RAB35: variants seen among roughly 807,000 people sequenced by gnomAD.
RAB35 encodes ras-related protein Rab-35.
In RAB35, 4 loss-of-function variants were observed where a neutral mutation model predicts 28.9. The observed-to-expected ratio is 0.14, with a 90% CI of 0.07 to 0.32. The LOEUF (loss-of-function observed/expected upper bound fraction) is 0.32. Among genes scored for constraint, RAB35 ranks in the 10% least tolerant of loss-of-function variants. The pLI, the probability that RAB35 is intolerant of heterozygous loss-of-function variation, is 1.00. For missense variants in RAB35, 128 were observed against 274.0 expected (o/e 0.47, Z 3.76); for synonymous variants, 99 against 105.1 (o/e 0.94, Z 0.35).
intron 1 of RAB35, among the ~76,000 whole-genome samples, chr12:120,115,241 C>G (rs1027214438): frequency 3.3e-5 from 5 of 152,164 alleles, no homozygotes; most frequent in Non-Finnish European, 5.9e-5. Context: ...CTCCATCCAG[C>G]TTTAAAAGGG....
intron 5 of RAB35, 119 bp downstream of exon 5, chr12:120,098,692 C>T: frequency 7.1e-7 from 1 of 1,410,384 alleles, no homozygotes; most frequent in Non-Finnish European, 9.6e-7. Context: ...AGTAGGCACT[C>T]AATAAATGGC....
At position 120,103,145 on chromosome 12, in the gene RAB35, G is replaced by A. The variant is rs918764656; in HGVS notation, c.227+681C>T. Among the ~76,000 whole-genome samples the A allele has an allele frequency of 2.6e-5, 4 of 152,140 alleles. No homozygotes were observed. The highest frequency in any genetic ancestry group is 5.9e-5 in the Non-Finnish European group (4 of 68,022). On this transcript the variant is annotated intron_variant, in intron 3 of 5. Transcript: ENST00000229340. This position sits in a 1 kb window ranked among gnomAD's most constrained non-coding sequence, Gnocchi z 6.1. ...ACACACAGCCCAACAGCTCCAAATC[G>A]GCCCCTTCAGACCCTGCTCTTTCCT...
chr12:120,103,098 A>C lies in RAB35; in HGVS notation c.227+728T>G, dbSNP rs1875724256. Among the ~76,000 whole-genome samples the C allele has an allele frequency of 6.6e-6, 1 of 152,164 alleles. No homozygotes were observed. The highest frequency in any genetic ancestry group is 1.5e-5 in the Non-Finnish European group (1 of 68,022). On this transcript the variant is annotated intron_variant, in intron 3 of 5. Coordinates refer to ENST00000229340, the MANE Select transcript of RAB35 (RefSeq NM_006861.7). This position sits in a 1 kb window ranked among gnomAD's most constrained non-coding sequence, Gnocchi z 6.1. ...GGCCCTCCAGGAAACGAGCGCAGAGAGCTTCGGCAACTTGCCTAAGGACAC... is the reference window on the plus strand; with the variant it reads ...GGCCCTCCAGGAAACGAGCGCAGAGCGCTTCGGCAACTTGCCTAAGGACAC...
intron 3 of RAB35, 123 bp from the exon 4 acceptor site, chr12:120,099,277 TCTCA>T: frequency 7.7e-7 from 1 of 1,303,158 alleles, no homozygotes; most frequent in Non-Finnish European, 1.0e-6. Context: ...GAGCCTGGGC[TCTCA>T]CTCAGCCTCG....
intron 3 of RAB35, among the ~76,000 whole-genome samples, chr12:120,101,412 A>G (rs1875651480): frequency 6.6e-6 from 1 of 151,504 alleles, no homozygotes; most frequent in Admixed American, 6.6e-5. Context: ...TCCCACCCGC[A>G]CCTCTCAGGG....
intron 5 of RAB35, 145 bp from the exon 6 acceptor site, chr12:120,097,518 A>G (rs1056530975): frequency 3.2e-6 from 2 of 632,334 alleles, no homozygotes; most frequent in African/African-American, 3.7e-5. Context: ...CTATTCTAGA[A>G]GGAGGTGGTG....
At chr12:120,100,172 G>A (rs964516487) in intron 3 of RAB35, among the ~76,000 whole-genome samples, 1 of 152,216 alleles carries the variant, frequency 6.6e-6, no homozygotes, top group Non-Finnish European at 1.5e-5. Context: ...CCAAGTCAGC[G>A]CAGGCTGAGC....
intron 3 of RAB35, among the ~76,000 whole-genome samples, chr12:120,101,684 G>A (rs762389346): frequency 2.0e-5 from 3 of 152,196 alleles, no homozygotes; most frequent in Non-Finnish European, 4.4e-5. Flanking sequence ...CCTGCCTCAT[G>A]AGGGCCAGAG....
chr12:120,104,058 C>T (rs1875769313), intron 2 of RAB35, 109 bp from the exon 3 acceptor site: 1 of 1,439,796 alleles, frequency 6.9e-7, no homozygotes, highest in Admixed American at 2.1e-5. Context: ...CGACTCATTA[C>T]ATGTGCCTGG....
chr12:120,108,220 G>C (rs1256817584), intron 2 of RAB35, among the ~76,000 whole-genome samples, 197 bp downstream of exon 2: 2 of 152,150 alleles, frequency 1.3e-5, no homozygotes, highest in Non-Finnish European at 2.9e-5. Flanking sequence ...GTGAGCAGGT[G>C]CATTAGACAG....
At chr12:120,106,632 G>T (rs1216194705) in intron 2 of RAB35, among the ~76,000 whole-genome samples, 2 of 135,752 alleles carry the variant, frequency 1.5e-5, no homozygotes, top group African/African-American at 2.8e-5. Flanking sequence ...TCACTCTGTC[G>T]CCAGGCTGGA....
Position 120,097,053 on chromosome 12 carries a change from G to A in RAB35, c.*192C>T, listed in dbSNP as rs147155957. ...GGAGGGGGCACCAGTAGGGAAGGGCGGGCTGGTCCAACACCTTCTTGGCAC... is the reference window on the plus strand; with the variant it reads ...GGAGGGGGCACCAGTAGGGAAGGGCAGGCTGGTCCAACACCTTCTTGGCAC... On this transcript the variant is annotated 3_prime_UTR_variant, in exon 6 of 6. Transcript: ENST00000229340. 1,508 of 1,529,716 alleles carry A rather than the reference G, an allele frequency of 9.9e-4. 13 individuals are homozygous for A. The African/African-American group carries it at 0.016, about 16-fold the overall frequency. 94.8% of individuals were successfully genotyped at this position (1,529,716 alleles called of 1,614,324 possible).
chr12:120,099,049 A>G lies in RAB35; in HGVS notation c.333T>C (p.Asp111=). The G allele has an allele frequency of 1.2e-6, 2 of 1,614,078 alleles. No homozygotes were observed. Among genetic ancestry groups the G allele is most frequent in the Non-Finnish European group, 1.7e-6 (2 of 1,180,010 alleles). ...CCTCACCTAATATTCGGCACACATCATCACAGTTCTGGTTGATTTCGTGAA... is the reference window on the plus strand; with the variant it reads ...CCTCACCTAATATTCGGCACACATCGTCACAGTTCTGGTTGATTTCGTGAA... ...RWLHEINQNC[D]DVCRILVGNK... Residue 111 remains aspartate, a synonymous_variant, in exon 4 of 6, where the codon GAT becomes GAC. Coordinates refer to ENST00000229340, the MANE Select transcript of RAB35 (RefSeq NM_006861.7).
Position 120,103,828 on chromosome 12 carries a change from G to T in RAB35, c.225C>A (p.Ser75=), listed in dbSNP as rs1408751763. ...TGGGAGTGGGCGTGTGGACTCACGT[G>T]GAGGTGATGGTGCGGAAGCGCTCCT... ...AGQERFRTIT[S]TYYRGTHGVI... is the part of the protein sequence containing the mutation. The change falls in exon 3 of 6, where the codon TCC becomes TCA. Residue 75 remains serine, a splice_region_variant and synonymous_variant. Transcript: ENST00000229340. The surrounding 1 kb of genome is among the most constrained non-coding windows in gnomAD (Gnocchi z 6.1). 3 of 1,614,010 alleles carry T rather than the reference G, an allele frequency of 1.9e-6. No individual in the cohort carries two copies. The Admixed American group carries it at 5.0e-5, about 27-fold the overall frequency.
rs60106911 is a variant in RAB35, at chr12:120,103,285, C to T, written c.227+541G>A. 3.9e-3 allele frequency among the ~76,000 whole-genome samples: 594 copies of T among 152,132 alleles called. 10 individuals carry two copies. In the South Asian group the frequency reaches 0.061, roughly 16 times the overall value. ...CAGCTCAGCCACAAAGGTGGGCAAC[C>T]GGTGGGCGGCCGGATTTCCCAGGAA... On this transcript the variant is annotated intron_variant, in intron 3 of 5. Transcript: ENST00000229340. This position sits in a 1 kb window ranked among gnomAD's most constrained non-coding sequence, Gnocchi z 6.1.
At position 120,103,227 on chromosome 12, in the gene RAB35, A is replaced by T. The variant is rs1274496706; in HGVS notation, c.227+599T>A. 6.6e-6 allele frequency among the ~76,000 whole-genome samples: 1 copy of T among 152,220 alleles called. No individual in the cohort carries two copies. Among genetic ancestry groups the T allele is most frequent in the Non-Finnish European group, 1.5e-5 (1 of 68,040 alleles). Reference sequence around the variant, plus strand: ...GGAGCCGCTCCGAAGGACACTGCCCATCTGCGCAGGAGCCCAGCTTCCCCC... The same window carrying T: ...GGAGCCGCTCCGAAGGACACTGCCCTTCTGCGCAGGAGCCCAGCTTCCCCC... On this transcript the variant is annotated intron_variant, in intron 3 of 5. Transcript: ENST00000229340. The surrounding 1 kb of genome is among the most constrained non-coding windows in gnomAD (Gnocchi z 6.1).
In RAB35 at chr12:120,103,282, A is replaced by C. The variant is rs1875732574; in HGVS notation, c.227+544T>G. On this transcript the variant is annotated intron_variant, in intron 3 of 5. Coordinates refer to ENST00000229340, the MANE Select transcript of RAB35 (RefSeq NM_006861.7). The surrounding 1 kb of genome is among the most constrained non-coding windows in gnomAD (Gnocchi z 6.1). Reference sequence around the variant, plus strand: ...CTGCAGCTCAGCCACAAAGGTGGGCAACCGGTGGGCGGCCGGATTTCCCAG... The same window carrying C: ...CTGCAGCTCAGCCACAAAGGTGGGCCACCGGTGGGCGGCCGGATTTCCCAG... 6.6e-6 allele frequency among the ~76,000 whole-genome samples: 1 copy of C among 152,060 alleles called. No homozygotes were observed. Among genetic ancestry groups the C allele is most frequent in the African/African-American group, 2.4e-5 (1 of 41,438 alleles).
intron 3 of RAB35, among the ~76,000 whole-genome samples, chr12:120,100,964 A>C (rs1875633887): frequency 6.6e-6 from 1 of 152,236 alleles, no homozygotes; most frequent in African/African-American, 2.4e-5. Flanking sequence ...TCCTTTGCTG[A>C]AGATGATCAG....
At chr12:120,111,556 C>T (rs529365250) in intron 1 of RAB35, among the ~76,000 whole-genome samples, 1 of 152,248 alleles carries the variant, frequency 6.6e-6, no homozygotes, top group African/African-American at 2.4e-5. Flanking sequence ...TGGTGCGTGC[C>T]TGTAATCCCA....
Sources: gnomAD v4.1 joint callset for allele counts (sites outside exome capture counted in the v4.1 genomes callset) on GRCh38, gnomAD v4.1.1 for gene constraint, Gnocchi (gnomAD v3.1) non-coding constraint, MANE v1.5 for transcripts, NCBI Gene and HGNC (gene_info 2026-07-23, HGNC 2026-07-21) for gene names.